Variants in SULT6B1 observed in about 807,000 individuals in gnomAD.
The protein encoded by SULT6B1 is sulfotransferase 6B1.
SULT6B1 carries 44 observed loss-of-function variants against 37.2 expected under a neutral mutation model. That is an observed-to-expected ratio of 1.18 (90% CI 0.93 to 1.52). The LOEUF (loss-of-function observed/expected upper bound fraction) is 1.52, where lower values mean the gene tolerates loss of function less well. Among genes scored for constraint, SULT6B1 ranks in the 40% most tolerant of loss-of-function variants. The probability of loss-of-function intolerance (pLI) is 0.00; values close to 1 mark genes in which losing one functional copy is unlikely to be tolerated. For missense variants in SULT6B1, 450 were observed against 361.0 expected, an observed-to-expected ratio of 1.25 and a Z score of -2.00; for synonymous variants, 140 against 126.0, an observed-to-expected ratio of 1.11 and a Z score of -0.74.
intron 6 of SULT6B1, among the ~76,000 whole-genome samples, chr2:37,170,466 CA>C (rs57322418): frequency 1.3e-5 from 2 of 148,894 alleles, no homozygotes; most frequent in Admixed American, 6.7e-5. Flanking sequence ...GACTCTGTCT[CA>C]AAAAAAATAT....
At chr2:37,191,998 C>T (rs940436748), upstream of SULT6B1, among the ~76,000 whole-genome samples, 1 of 152,252 alleles carries the variant, frequency 6.6e-6, no homozygotes, top group Non-Finnish European at 1.5e-5. Context: ...GGCCCAGCAG[C>T]GGGCTGAGTG....
rs575601626 is a variant in SULT6B1 at position 37,179,515 on chromosome 2, C to T, written c.472G>A (p.Asp158Asn). The T allele has an allele frequency of 5.0e-5, 80 of 1,613,946 alleles. No homozygotes were observed. In the East Asian group the frequency reaches 1.4e-3, roughly 29 times the overall value. The change falls in exon 4 of 7, where the codon GAT becomes AAT. Residue 158 changes from aspartate to asparagine, a missense_variant. Asp to Asn is a conservative substitution (Grantham distance 23). Transcript: ENST00000535679. ...TCCCAAGAGCCATAGCTTGGAATATCGGGGACATCGTTGTGGAAATGCAAA... is the reference window on the plus strand; with the variant it reads ...TCCCAAGAGCCATAGCTTGGAATATTGGGGACATCGTTGTGGAAATGCAAA... ...SFLHFHNDVP[D>N]IPSYGSWDEF... is the part of the protein sequence containing the mutation.
rs1452911896 is a variant in SULT6B1 at position 37,168,066 on chromosome 2, C to G, written c.782-1G>C. ...AAATTTTTCCAATCACCAACTTCAC[C>G]TACAACACACAAAAAACAGTAGACC... is the stretch of plus-strand genomic sequence containing the variant. On this transcript the variant is annotated splice_acceptor_variant, in intron 6 of 6. Coordinates refer to ENST00000535679, the MANE Select transcript of SULT6B1 (RefSeq NM_001367551.1). LOFTEE classifies it high-confidence loss of function. 6 of 1,578,600 alleles carry G rather than the reference C, an allele frequency of 3.8e-6. No homozygotes were observed. Among genetic ancestry groups the G allele is most frequent in the Non-Finnish European group, 4.3e-6 (5 of 1,170,052 alleles).
At chr2:37,192,548 G>A (rs767929024), upstream of SULT6B1, among the ~76,000 whole-genome samples, 3 of 152,166 alleles carry the variant, frequency 2.0e-5, no homozygotes, top group Non-Finnish European at 2.9e-5. Context: ...ATAATGTGAT[G>A]ATATTAGCTG....
At chr2:37,188,419 G>C (rs985193423) in intron 1 of SULT6B1, 23 bp downstream of exon 1, 1 of 1,600,776 alleles carries the variant, frequency 6.2e-7, no homozygotes, top group African/African-American at 1.3e-5. Context: ...AAGTGTACTT[G>C]TAGGAAACGA....
At chr2:37,189,052 G>A (rs1676732154), upstream of SULT6B1, among the ~76,000 whole-genome samples, 1 of 152,178 alleles carries the variant, frequency 6.6e-6, no homozygotes, top group South Asian at 2.1e-4. Context: ...CCTCTGTGGT[G>A]TGAAAGGAAG....
upstream of SULT6B1, among the ~76,000 whole-genome samples, chr2:37,190,251 C>A (rs1310083214): frequency 3.9e-5 from 6 of 152,150 alleles, no homozygotes; most frequent in East Asian, 3.8e-4. Flanking sequence ...CTTCTTATTT[C>A]TCTCCCATTC....
intron 3 of SULT6B1, among the ~76,000 whole-genome samples, chr2:37,182,026 T>C (rs1376976772): frequency 6.6e-6 from 1 of 152,126 alleles, no homozygotes; most frequent in Non-Finnish European, 1.5e-5. Context: ...TTAAGATATT[T>C]TCCCATTTTA....
At chr2:37,169,416 G>C (rs1676248104) in intron 6 of SULT6B1, among the ~76,000 whole-genome samples, 2 of 152,152 alleles carry the variant, frequency 1.3e-5, no homozygotes, top group African/African-American at 4.8e-5. Flanking sequence ...ATATTCCTGA[G>C]CTTTGATTCC....
intron 4 of SULT6B1, among the ~76,000 whole-genome samples, chr2:37,177,206 T>C (rs916926907): frequency 1.3e-5 from 2 of 151,478 alleles, no homozygotes; most frequent in African/African-American, 4.9e-5. Context: ...CAAAATAAGC[T>C]AGACACAAAA....
At chr2:37,193,570 AAAAAAGAAGAAAAAGAAGAAGAAG>A (rs1166225907), upstream of SULT6B1, among the ~76,000 whole-genome samples, 41 of 132,828 alleles carry the variant, frequency 3.1e-4, no homozygotes, top group East Asian at 2.0e-3. Context: ...TTTACCAAAA[AAAAAAGAAGAAAAAGAAGAAGAAG>A]AAAAAGAAGA....
At chr2:37,195,337 A>C (rs1676889709) in intron 1 of SULT6B1, among the ~76,000 whole-genome samples, 1 of 152,190 alleles carries the variant, frequency 6.6e-6, no homozygotes, top group South Asian at 2.1e-4. Flanking sequence ...GAGCCTTGCT[A>C]TATGGTCTGA....
At chr2:37,183,072 T>C (rs774144614) in intron 3 of SULT6B1, among the ~76,000 whole-genome samples, 2 of 152,190 alleles carry the variant, frequency 1.3e-5, no homozygotes, top group Non-Finnish European at 2.9e-5. Flanking sequence ...AGGTAAATAG[T>C]GCTCACCAGA....
chr2:37,189,925 C>T (rs1005465723), upstream of SULT6B1: 1 of 152,164 alleles, frequency 6.6e-6, no homozygotes, highest in Non-Finnish European at 1.5e-5. Flanking sequence ...TTTGCTAATT[C>T]GGAGGAAAGC....
intron 6 of SULT6B1, among the ~76,000 whole-genome samples, chr2:37,168,470 C>G (rs1041003914): frequency 2.0e-5 from 3 of 152,162 alleles, no homozygotes; most frequent in Admixed American, 1.3e-4. Flanking sequence ...GTTTTACACT[C>G]TTAAAACCTA....
chr2:37,179,564 G>C lies in SULT6B1; in HGVS notation c.423C>G (p.Asn141Lys). 1 of 1,612,120 alleles carries C rather than the reference G, an allele frequency of 6.2e-7. No individual in the cohort carries two copies. Among genetic ancestry groups the C allele is most frequent in the Non-Finnish European group, 8.5e-7 (1 of 1,179,672 alleles). ...NKAKILVIFR[N>K]PKDTAVSFLH... Reference sequence around the variant, plus strand: ...AAAAAGATACTGCTGTATCTTTAGGGTTTCGAAATATCACCAATATCTAGG... The same window carrying C: ...AAAAAGATACTGCTGTATCTTTAGGCTTTCGAAATATCACCAATATCTAGG... The change falls in exon 4 of 7, where the codon AAC becomes AAG. Residue 141 changes from asparagine (N) to lysine (K), a missense_variant. Asn to Lys is a moderately conservative substitution (Grantham distance 94). Coordinates refer to ENST00000535679, the MANE Select transcript of SULT6B1 (RefSeq NM_001367551.1).
upstream of SULT6B1, among the ~76,000 whole-genome samples, chr2:37,190,574 G>A (rs541899378): frequency 6.6e-6 from 1 of 152,216 alleles, no homozygotes; most frequent in Non-Finnish European, 1.5e-5. Flanking sequence ...GGCCACAGGG[G>A]CTAAGTGGCT....
At chr2:37,193,644 AGAAGAAG>A (rs1558454990), upstream of SULT6B1, among the ~76,000 whole-genome samples, 1 of 148,910 alleles carries the variant, frequency 6.7e-6, no homozygotes, top group African/African-American at 2.5e-5. Context: ...AAGAAGAAGA[AGAAGAAG>A]GAGAAGAAGG....
chr2:37,194,903 TC>T (rs1471927586), intron 1 of SULT6B1, among the ~76,000 whole-genome samples: 493 of 25,166 alleles, frequency 0.02, 34 homozygotes, highest in African/African-American at 0.084. Context: ...CTTCTTTCCT[TC>T]CTTCCTTCCT....
Sources: allele counts gnomAD v4.1 joint callset (sites outside exome capture counted in the v4.1 genomes callset), GRCh38; gene constraint gnomAD v4.1.1; transcripts MANE v1.5; gene names NCBI Gene and HGNC (gene_info 2026-07-23, HGNC 2026-07-21).